JAML: variants seen among roughly 807,000 people sequenced by gnomAD.
The protein encoded by JAML is junctional adhesion molecule-like.
A neutral mutation model predicts 39.3 loss-of-function variants in JAML; 25 were observed. That is an observed-to-expected ratio of 0.64 (90% CI 0.46 to 0.89). The LOEUF is 0.89. Ranked by LOEUF, JAML falls within the 40% of genes least tolerant of loss-of-function variation. JAML has a pLI of 0.00. For synonymous variants in JAML, 162 were observed against 179.2 expected (o/e 0.90, Z 0.77); for missense variants, 440 against 486.9 (o/e 0.90, Z 0.91).
At chr11:118,204,143 G>A (rs191968929) in intron 5 of JAML, 6 of 178,208 alleles carry the variant, frequency 3.4e-5, no homozygotes, top group Admixed American at 3.2e-4. Flanking sequence ...CTGTCTTTCT[G>A]GAACAAATCA....
In JAML at chr11:118,194,343, T is replaced by C. The variant is rs764561931; in HGVS notation, c.1167A>G (p.Lys389=). The C allele has an allele frequency of 1.2e-6, 2 of 1,614,110 alleles. No individual in the cohort carries two copies. Among genetic ancestry groups the C allele is most frequent in the Admixed American group, 1.7e-5 (1 of 60,018 alleles). Reference sequence around the variant, plus strand: ...ATTCTTCTCAAAAGGCTTGCTGTGTTTTTGGCATTCCCCCACCTGACTTTT... The same window carrying C: ...ATTCTTCTCAAAAGGCTTGCTGTGTCTTTGGCATTCCCCCACCTGACTTTT... The part of the protein sequence containing the change: ...LEKKSGGGMP[K]TQQAF The change falls in exon 10 of 10, where the codon AAA becomes AAG. Residue 389 remains lysine (K), a synonymous_variant. Transcript: ENST00000356289.
chr11:118,209,697 T>C (rs1565480992), intron 4 of JAML, among the ~76,000 whole-genome samples: 1 of 103,746 alleles, frequency 9.6e-6, no homozygotes, highest in Admixed American at 9.1e-5. Flanking sequence ...CTATTATTAT[T>C]ATTTTTTTTT....
At chr11:118,210,390 C>T in intron 4 of JAML, 97 bp downstream of exon 4, 10 of 1,177,284 alleles carry the variant, frequency 8.5e-6, no homozygotes, top group Non-Finnish European at 1.2e-5. Flanking sequence ...AGTACTTAGC[C>T]CAAAGGCTGG....
At chr11:118,194,465 T>C (rs952853630) in intron 9 of JAML, 48 bp from the exon 10 acceptor site, 7 of 1,494,688 alleles carry the variant, frequency 4.7e-6, no homozygotes, top group Non-Finnish European at 6.5e-6. Context: ...TAAGAAGTAG[T>C]TCCATAATCA....
At chr11:118,223,641 C>A (rs1949231992) in intron 1 of JAML, among the ~76,000 whole-genome samples, 1 of 152,104 alleles carries the variant, frequency 6.6e-6, no homozygotes, top group African/African-American at 2.4e-5. Flanking sequence ...CCTCTATCAG[C>A]AAGTAAAGAT....
chr11:118,196,364 G>A (rs1467957533), intron 9 of JAML, among the ~76,000 whole-genome samples: 6 of 152,090 alleles, frequency 3.9e-5, no homozygotes, highest in Non-Finnish European at 8.8e-5. Flanking sequence ...CTGGCCTCAA[G>A]CAATCCGCCC....
intron 1 of JAML, chr11:118,223,897 T>A (rs1246874329): frequency 6.6e-6 from 1 of 152,140 alleles, no homozygotes; most frequent in East Asian, 1.9e-4. Context: ...TACAATATCA[T>A]GAGACAAAAT....
At chr11:118,213,316 C>T in intron 2 of JAML, 1 of 1,038,704 alleles carries the variant, frequency 9.6e-7, no homozygotes, top group Non-Finnish European at 1.2e-6. Flanking sequence ...AAGAAAGATA[C>T]ATTTAGATGC....
intron 4 of JAML, 77 bp from the exon 5 acceptor site, chr11:118,206,068 G>A: frequency 7.5e-7 from 1 of 1,334,474 alleles, no homozygotes; most frequent in Non-Finnish European, 1.1e-6. Flanking sequence ...AAGAGATCAT[G>A]TTTAGCCAAA....
In JAML at chr11:118,210,598, C is replaced by T; in HGVS notation, c.313G>A (p.Asp105Asn). The T allele has an allele frequency of 6.2e-7, 1 of 1,614,232 alleles. No individual in the cohort carries two copies. The highest frequency in any genetic ancestry group is 8.5e-7 in the Non-Finnish European group (1 of 1,180,034). Reference sequence around the variant, plus strand: ...GTTCCCTGGTCAGCCTCTTGCACATCTTGGAGCAGGAGAGAGCCATCATTG... The same window carrying T: ...GTTCCCTGGTCAGCCTCTTGCACATTTTGGAGCAGGAGAGAGCCATCATTG... ...LCNDGSLLLQ[D>N]VQEADQGTYI... The change falls in exon 4 of 10, where the codon GAT becomes AAT. Residue 105 changes from aspartate (D) to asparagine (N), a missense_variant. Physicochemically the swap from Asp to Asn is conservative, Grantham distance 23. Coordinates refer to ENST00000356289, the MANE Select transcript of JAML (RefSeq NM_001098526.2).
intron 6 of JAML, chr11:118,202,741 C>T: frequency 1.7e-5 from 6 of 363,346 alleles, no homozygotes; most frequent in South Asian, 1.2e-4. Flanking sequence ...CATCCTCACC[C>T]CATCTTCCCC....
intron 6 of JAML, 70 bp from the exon 7 acceptor site, chr11:118,200,682 A>G (rs1348956345): frequency 1.6e-5 from 25 of 1,580,416 alleles, no homozygotes; most frequent in Non-Finnish European, 2.1e-5. Context: ...CCACAGCCCT[A>G]TACCAAGTAG....
At chr11:118,197,973 G>T in intron 8 of JAML, 25 bp downstream of exon 8, 1 of 1,603,546 alleles carries the variant, frequency 6.2e-7, no homozygotes, top group Non-Finnish European at 8.5e-7. Flanking sequence ...TCTACTTAGT[G>T]TTTTAGGCTG....
chr11:118,212,738 G>T, intron 2 of JAML, 177 bp from the exon 3 acceptor site: 1 of 1,529,704 alleles, frequency 6.5e-7, no homozygotes. Context: ...TACCTATATG[G>T]CTCATCAGAA....
At chr11:118,220,340 A>G (rs1321951640) in intron 1 of JAML, among the ~76,000 whole-genome samples, 1 of 152,174 alleles carries the variant, frequency 6.6e-6, no homozygotes, top group Non-Finnish European at 1.5e-5. Flanking sequence ...CCATCAGTGG[A>G]TGAGAGTGGA....
At chr11:118,197,733 G>A (rs1320982665) in intron 8 of JAML, 2 of 397,728 alleles carry the variant, frequency 5.0e-6, no homozygotes, top group East Asian at 4.7e-5. Flanking sequence ...ACTCAGGGAG[G>A]TGGCAGATCT....
At chr11:118,204,751 A>T (rs1021375122) in intron 5 of JAML, 1 of 152,074 alleles carries the variant, frequency 6.6e-6, no homozygotes, top group Non-Finnish European at 1.5e-5. Flanking sequence ...ATTATTTTAC[A>T]TGTATCTCCT....
chr11:118,205,992 C>G lies in JAML; in HGVS notation c.425-1G>C. 6.2e-7 allele frequency: 1 copy of G among 1,610,860 alleles called. No individual in the cohort carries two copies. The highest frequency in any genetic ancestry group is 8.5e-7 in the Non-Finnish European group (1 of 1,177,000). On this transcript the variant is annotated splice_acceptor_variant, in intron 4 of 9. Coordinates refer to ENST00000356289, the MANE Select transcript of JAML (RefSeq NM_001098526.2). LOFTEE classifies it high-confidence loss of function. ...AATCCACCCACATGGACCATGAGCT[C>G]TGAGGATAAAACAGTAAATCAAGTC...
At chr11:118,216,244 G>C (rs1425545846) in intron 1 of JAML, among the ~76,000 whole-genome samples, 2 of 151,948 alleles carry the variant, frequency 1.3e-5, no homozygotes, top group Non-Finnish European at 2.9e-5. Context: ...GGTGGCGGCC[G>C]CCTGTAATCC....
Sources: allele counts gnomAD v4.1 joint callset (sites outside exome capture counted in the v4.1 genomes callset), GRCh38; gene constraint gnomAD v4.1.1; transcripts MANE v1.5; gene names NCBI Gene and HGNC (gene_info 2026-07-23, HGNC 2026-07-21).